The following MAST1 variants were observed in gnomAD, a reference collection of about 807,000 sequenced individuals.
The protein encoded by MAST1 is microtubule associated serine/threonine kinase 1, also known as microtubule-associated serine/threonine-protein kinase 1.
Under a neutral mutation model 124.6 loss-of-function variants are expected in MAST1, and 40 were observed. The ratio of observed to expected loss-of-function variants is 0.32; its 90% CI spans 0.25 to 0.42. The LOEUF (loss-of-function observed/expected upper bound fraction) is 0.42, where lower values mean the gene tolerates loss of function less well. Ranked by LOEUF, MAST1 falls within the 10% of genes least tolerant of loss-of-function variation. The probability of loss-of-function intolerance (pLI) is 1.00; values close to 1 mark genes in which losing one functional copy is unlikely to be tolerated. For synonymous variants in MAST1, 938 were observed against 939.4 expected, an observed-to-expected ratio of 1.00 and a Z score of 0.03; for missense variants, 1,558 against 2,181.9, an observed-to-expected ratio of 0.71 and a Z score of 5.70.
intron 22 of MAST1, among the ~76,000 whole-genome samples, 161 bp from the exon 23 acceptor site, chr19:12,870,663 C>CAA (rs35890154): frequency 0.048 from 6,240 of 128,760 alleles, 193 homozygotes; most frequent in Admixed American, 0.064. Context: ...AGACTCCGTC[C>CAA]AAAAAAAAAA....
chr19:12,839,895 G>A (rs1168997719), intron 1 of MAST1, among the ~76,000 whole-genome samples: 1 of 152,056 alleles, frequency 6.6e-6, no homozygotes, highest in Non-Finnish European at 1.5e-5. Flanking sequence ...GCGACAGAGC[G>A]AGACATTGAT....
chr19:12,845,411 CAAAAAAA>C (rs540488398), intron 4 of MAST1, among the ~76,000 whole-genome samples: 30 of 69,142 alleles, frequency 4.3e-4, no homozygotes, highest in South Asian at 1.2e-3. Flanking sequence ...CCTGTTTCTA[CAAAAAAA>C]AAAAAAAAAA....
chr19:12,867,772 G>C lies in MAST1; in HGVS notation c.2361G>C (p.Glu787Asp). ...SASEASFLEG[E>D]ASPPLGARRR... Reference sequence around the variant, plus strand: ...CCGAGGCCAGTTTCCTGGAGGGAGAGGCCAGTCCCCCTTTGGGCGCCCGCC... The same window carrying C: ...CCGAGGCCAGTTTCCTGGAGGGAGACGCCAGTCCCCCTTTGGGCGCCCGCC... Residue 787 changes from glutamate (E) to aspartate (D), a missense_variant, in exon 20 of 26, where the codon GAG (glutamate) becomes GAC (aspartate). This residue lies in a region of MAST1 where 287 missense variants were observed against 308.0 expected (regional missense o/e 0.93). Transcript: ENST00000251472. 6.4e-7 allele frequency: 1 copy of C among 1,556,450 alleles called. No homozygotes were observed. The highest frequency in any genetic ancestry group is 8.7e-7 in the Non-Finnish European group (1 of 1,151,756).
chr19:12,856,352 G>T (rs1489912390), intron 10 of MAST1, among the ~76,000 whole-genome samples: 2 of 151,010 alleles, frequency 1.3e-5, no homozygotes, highest in African/African-American at 2.4e-5. Context: ...GCCCAGGCTG[G>T]AGTGCAACAG....
chr19:12,868,474 C>T, intron 20 of MAST1, 169 bp from the exon 21 acceptor site: 1 of 594,886 alleles, frequency 1.7e-6, no homozygotes, highest in Non-Finnish European at 2.9e-6. Flanking sequence ...CAGACCGATA[C>T]AGACTATGTC....
chr19:12,847,100 C>G lies in MAST1; in HGVS notation c.328-190C>G. 1 of 589,058 alleles carries G rather than the reference C, an allele frequency of 1.7e-6. No homozygotes were observed. 36.5% of individuals were successfully genotyped at this position (589,058 alleles called of 1,614,324 possible). On this transcript the variant is annotated intron_variant, in intron 4 of 25. Transcript: ENST00000251472. This position sits in a 1 kb window ranked among gnomAD's most constrained non-coding sequence, Gnocchi z 5.5. ...CTTTAACAGACTCACTGTCTCCACCCCTGTCTGTCCCTGTCCACCTGTCTG... is the reference window on the plus strand; with the variant it reads ...CTTTAACAGACTCACTGTCTCCACCGCTGTCTGTCCCTGTCCACCTGTCTG...
At chr19:12,868,950 C>A in intron 21 of MAST1, 101 bp downstream of exon 21, 1 of 1,535,226 alleles carries the variant, frequency 6.5e-7, no homozygotes, top group Non-Finnish European at 8.9e-7. Context: ...GTGATTGGCT[C>A]CAGGCTGGAC....
At chr19:12,872,553 G>C (rs2242515) in intron 24 of MAST1, among the ~76,000 whole-genome samples, 31,596 of 151,822 alleles carry the variant, frequency 0.21, 3,912 homozygotes, top group East Asian at 0.58. Flanking sequence ...TGATAGGTGG[G>C]TTGTAGTGAA....
At chr19:12,856,663 C>T (rs1970021703) in intron 10 of MAST1, among the ~76,000 whole-genome samples, 1 of 152,146 alleles carries the variant, frequency 6.6e-6, no homozygotes, top group Non-Finnish European at 1.5e-5. Context: ...CATTTTTACA[C>T]TTAATAAAAT....
In MAST1 at chr19:12,873,410, C is replaced by A; in HGVS notation, c.3350C>A (p.Ser1117Ter). The A allele has an allele frequency of 6.2e-7, 1 of 1,613,892 alleles. No homozygotes were observed. The highest frequency in any genetic ancestry group is 8.5e-7 in the Non-Finnish European group (1 of 1,180,002). The change falls in exon 25 of 26, where the codon TCG becomes TAG. Residue 1117 changes from serine to a stop codon, truncating the protein, a stop_gained. Coordinates refer to ENST00000251472, the MANE Select transcript of MAST1 (RefSeq NM_014975.3). LOFTEE classifies it high-confidence loss of function. ...TSRSLSSLNRSLSSSDSLPGS... is the reference protein window; with the variant it reads ...TSRSLSSLNR ...CGCTCGCTGTCGTCGCTGAACCGCT[C>A]GCTGTCATCCAGCGATAGTCTCCCG...
chr19:12,866,015 C>T lies in MAST1; in HGVS notation c.1942C>T (p.Arg648Ter). 1.2e-6 allele frequency: 2 copies of T among 1,614,102 alleles called. No homozygotes were observed. The highest frequency in any genetic ancestry group is 1.7e-6 in the Non-Finnish European group (2 of 1,180,022). ...TGAGGTGAAGCAGCACAGTTTCTTT[C>T]GAGACCTGGACTGGACAGGGCTGCT... is the stretch of plus-strand genomic sequence containing the variant. ...AFEVKQHSFF[R>*]DLDWTGLLRQ... Residue 648 changes from arginine to a stop codon, truncating the protein, a stop_gained, in exon 17 of 26, where the codon CGA (arginine) becomes TGA (stop). Coordinates refer to ENST00000251472, the MANE Select transcript of MAST1 (RefSeq NM_014975.3). LOFTEE classifies it high-confidence loss of function. The surrounding 1 kb of genome is among the most constrained non-coding windows in gnomAD (Gnocchi z 5.2).
chr19:12,865,616 A>T lies in MAST1; in HGVS notation c.1805-101A>T. 1 of 1,434,466 alleles carries T rather than the reference A, an allele frequency of 7.0e-7. No individual in the cohort carries two copies. The highest frequency in any genetic ancestry group is 2.3e-5 in the East Asian group (1 of 43,710). The allele number at this position is 1,434,466 out of a possible 1,614,324, so 88.9% of individuals were successfully genotyped here. A position where few individuals can be genotyped will look rare whatever the true frequency, so the allele number is the denominator to read the frequency against. On this transcript the variant is annotated intron_variant, in intron 15 of 25. Coordinates refer to ENST00000251472, the MANE Select transcript of MAST1 (RefSeq NM_014975.3). This position sits in a 1 kb window ranked among gnomAD's most constrained non-coding sequence, Gnocchi z 7.1. ...CAGGAGGTCAAGGCTGCAGTGAGCC[A>T]TGATCGTGCCACTGCACTCCAGCTG... is the stretch of plus-strand genomic sequence containing the variant.
At chr19:12,840,938 C>T in intron 2 of MAST1, 53 bp from the exon 3 acceptor site, 11 of 791,256 alleles carry the variant, frequency 1.4e-5, no homozygotes, top group South Asian at 1.3e-4. Context: ...TGTTTGCACG[C>T]CGCTTTAGGG....
At chr19:12,850,469 T>C (rs1014406086) in intron 7 of MAST1, among the ~76,000 whole-genome samples, 2 of 152,188 alleles carry the variant, frequency 1.3e-5, no homozygotes, top group Non-Finnish European at 2.9e-5. Context: ...TTTGAAAAAC[T>C]TGAAAAGTAG....
intron 24 of MAST1, among the ~76,000 whole-genome samples, chr19:12,872,328 G>A (rs530568275): frequency 6.6e-5 from 10 of 152,262 alleles, no homozygotes; most frequent in Non-Finnish European, 1.0e-4. Flanking sequence ...AGGGATTTGG[G>A]TGAGAGGAGC....
rs752572464 is a variant in MAST1, at chr19:12,847,607, C to T, written c.489-5C>T. The T allele has an allele frequency of 1.9e-6, 3 of 1,614,082 alleles. No individual in the cohort carries two copies. The highest frequency in any genetic ancestry group is 2.2e-5 in the East Asian group (1 of 44,866). The stretch of plus-strand genomic sequence containing the variant: ...ACTCGACAAAATGGGCTTCTCTCCC[C>T]GCAGCCCCGGGCGCTCCCCCTCCTC... On this transcript the variant is annotated splice_region_variant and splice_polypyrimidine_tract_variant and intron_variant, in intron 5 of 25. Coordinates refer to ENST00000251472, the MANE Select transcript of MAST1 (RefSeq NM_014975.3). The surrounding 1 kb of genome is among the most constrained non-coding windows in gnomAD (Gnocchi z 5.5).
intron 7 of MAST1, 141 bp downstream of exon 7, chr19:12,848,198 T>C: frequency 1.4e-6 from 1 of 736,054 alleles, no homozygotes; most frequent in Non-Finnish European, 2.2e-6. Flanking sequence ...GACTCAGGGG[T>C]GGAAGTGGTC....
intron 12 of MAST1, among the ~76,000 whole-genome samples, chr19:12,860,210 G>A (rs1970063211): frequency 6.6e-6 from 1 of 151,952 alleles, no homozygotes; most frequent in Non-Finnish European, 1.5e-5. Flanking sequence ...CACCTCCTAG[G>A]TTCACACCAT....
chr19:12,873,826 C>G lies in MAST1; in HGVS notation c.3669C>G (p.Gly1223=), dbSNP rs1349718658. 6.3e-7 allele frequency: 1 copy of G among 1,593,192 alleles called. No individual in the cohort carries two copies. The highest frequency in any genetic ancestry group is 2.2e-5 in the East Asian group (1 of 44,538). The stretch of plus-strand genomic sequence containing the variant: ...AGGCGTCACCGCCGCCACTGCCGGG[C>G]CACACGGTGGGCAGCTCGCACACTA... The part of the protein sequence containing the change: ...PTQASPPPLP[G]HTVGSSHTTQ... The change falls in exon 26 of 26, where the codon GGC becomes GGG. Residue 1223 remains glycine, a synonymous_variant. Coordinates refer to ENST00000251472, the MANE Select transcript of MAST1 (RefSeq NM_014975.3).
Sources: gnomAD v4.1 joint callset for allele counts (sites outside exome capture counted in the v4.1 genomes callset) on GRCh38, gnomAD v4.1.1 for gene constraint, gnomAD v4.1.1 regional missense constraint, Gnocchi (gnomAD v3.1) non-coding constraint, MANE v1.5 for transcripts, NCBI Gene and HGNC (gene_info 2026-07-23, HGNC 2026-07-21) for gene names.